SAMD4A: variants seen among roughly 807,000 people sequenced by gnomAD.
The protein encoded by SAMD4A is protein Smaug homolog 1.
Under a neutral mutation model 81.3 loss-of-function variants are expected in SAMD4A, and 33 were observed. The observed-to-expected ratio is 0.41, with a 90% CI of 0.31 to 0.54. The LOEUF (loss-of-function observed/expected upper bound fraction) is 0.54, where lower values mean the gene tolerates loss of function less well. Ranked by LOEUF, SAMD4A falls within the 20% of genes least tolerant of loss-of-function variation. SAMD4A has a pLI of 0.37. For synonymous variants in SAMD4A, 389 were observed against 382.1 expected (o/e 1.02, Z -0.21); for missense variants, 854 against 951.1 (o/e 0.90, Z 1.34).
At chr14:54,728,260 G>A (rs2037475648) in intron 3 of SAMD4A, among the ~76,000 whole-genome samples, 1 of 152,200 alleles carries the variant, frequency 6.6e-6, no homozygotes, top group Non-Finnish European at 1.5e-5. Context: ...AAATCGTTAT[G>A]TATAATTACA....
At chr14:54,787,683 C>T (rs1798736039) in intron 12 of SAMD4A, among the ~76,000 whole-genome samples, 1 of 152,226 alleles carries the variant, frequency 6.6e-6, no homozygotes, top group Admixed American at 6.5e-5. Context: ...ATTCCTACCG[C>T]CTGTGATGGC....
intron 12 of SAMD4A, among the ~76,000 whole-genome samples, chr14:54,785,801 G>A (rs1358365670): frequency 6.6e-6 from 1 of 152,210 alleles, no homozygotes; most frequent in Non-Finnish European, 1.5e-5. Context: ...GTGGGCCCGG[G>A]ACCACACCCA....
chr14:54,776,319 C>T (rs2038846388), intron 10 of SAMD4A, 95 bp from the exon 11 acceptor site: 8 of 1,345,926 alleles, frequency 5.9e-6, no homozygotes, highest in Non-Finnish European at 8.1e-6. Flanking sequence ...TTAGAGTTCT[C>T]CTGGGATCTT....
intron 12 of SAMD4A, among the ~76,000 whole-genome samples, chr14:54,788,057 T>C (rs2039185311): frequency 6.6e-6 from 1 of 152,042 alleles, no homozygotes; most frequent in African/African-American, 2.4e-5. Context: ...AAAACGTAGA[T>C]GTGGCAGATT....
In SAMD4A at chr14:54,669,445, CTTTTT is replaced by C. The variant is rs11406251; in HGVS notation, c.197-32599_197-32595del. Among the ~76,000 whole-genome samples, 4 of 103,314 alleles carry C rather than the reference CTTTTT, an allele frequency of 3.9e-5. No homozygotes were observed. The East Asian group carries it at 1.1e-3, about 29-fold the overall frequency. The allele number at this position is 103,314 out of a possible 152,430, so 67.8% of individuals were successfully genotyped here. On this transcript the variant is annotated intron_variant, in intron 2 of 12. Coordinates refer to ENST00000554335, the MANE Select transcript of SAMD4A (RefSeq NM_015589.6). ...TTATTTTTAGAAGCAACGCTTCTTTCTTTTTTTTTTTTTTTTTTTTTTAGAGAGAG... is the reference window on the plus strand; with the variant it reads ...TTATTTTTAGAAGCAACGCTTCTTTCTTTTTTTTTTTTTTTTTAGAGAGAG...
At chr14:54,649,295 T>G (rs115597586) in intron 2 of SAMD4A, among the ~76,000 whole-genome samples, 2 of 152,144 alleles carry the variant, frequency 1.3e-5, no homozygotes, top group African/African-American at 4.8e-5. Flanking sequence ...AGAAGCTAAA[T>G]GACAAAAGTA....
intron 2 of SAMD4A, among the ~76,000 whole-genome samples, chr14:54,680,414 T>C (rs1309773794): frequency 6.6e-6 from 1 of 152,204 alleles, no homozygotes; most frequent in Admixed American, 6.5e-5. Context: ...ACAGATTGAG[T>C]ATGTTTCTGG....
At chr14:54,621,430 A>T (rs1435265051) in intron 2 of SAMD4A, among the ~76,000 whole-genome samples, 1 of 151,306 alleles carries the variant, frequency 6.6e-6, no homozygotes, top group Non-Finnish European at 1.5e-5. Context: ...GCTCACTGCG[A>T]CCTCCATCCG....
intron 2 of SAMD4A, chr14:54,689,668 AC>A (rs1365077743): frequency 6.6e-6 from 1 of 152,200 alleles, no homozygotes; most frequent in Non-Finnish European, 1.5e-5. Flanking sequence ...AAGAGTGAAT[AC>A]CTTAGAAAGG....
chr14:54,573,573 G>C, intron 2 of SAMD4A, among the ~76,000 whole-genome samples: 1 of 152,154 alleles, frequency 6.6e-6, no homozygotes, highest in East Asian at 1.9e-4. Context: ...TATGGTGCTC[G>C]TAGAAATCTT....
At chr14:54,772,507 C>CT (rs896791518) in intron 9 of SAMD4A, among the ~76,000 whole-genome samples, 32 of 152,118 alleles carry the variant, frequency 2.1e-4, no homozygotes, top group African/African-American at 7.7e-4. Context: ...CCCTATACAG[C>CT]TGAGTCCTAA....
intron 2 of SAMD4A, among the ~76,000 whole-genome samples, chr14:54,632,547 G>A (rs1385828171): frequency 3.3e-5 from 5 of 151,868 alleles, no homozygotes; most frequent in Admixed American, 6.6e-5. Context: ...ACTCCAACAG[G>A]TTAAGCTCTA....
At chr14:54,679,822 CA>C (rs1368693109) in intron 2 of SAMD4A, among the ~76,000 whole-genome samples, 1 of 152,160 alleles carries the variant, frequency 6.6e-6, no homozygotes, top group East Asian at 1.9e-4. Context: ...GGTCTCTGCA[CA>C]GTAACTCTTC....
chr14:54,748,579 C>G (rs2295818), intron 4 of SAMD4A, among the ~76,000 whole-genome samples: 117,183 of 152,118 alleles, frequency 0.77, 45,241 homozygotes, highest in South Asian at 0.78. Flanking sequence ...TGGACCCCAA[C>G]TTAGTACTCC....
chr14:54,668,690 C>T (rs2035808320), intron 2 of SAMD4A: 1 of 152,264 alleles, frequency 6.6e-6, no homozygotes, highest in African/African-American at 2.4e-5. Flanking sequence ...TGCTAGTTAA[C>T]ACCTATGTGG....
At chr14:54,786,000 A>G (rs1463052052) in intron 12 of SAMD4A, among the ~76,000 whole-genome samples, 6 of 152,188 alleles carry the variant, frequency 3.9e-5, no homozygotes, top group Non-Finnish European at 8.8e-5. Context: ...CATCCCTGGT[A>G]CCTCTGGCAG....
chr14:54,620,459 TG>T (rs1397148006), intron 2 of SAMD4A, among the ~76,000 whole-genome samples: 1 of 152,204 alleles, frequency 6.6e-6, no homozygotes, highest in East Asian at 1.9e-4. Flanking sequence ...ACAGAATAGT[TG>T]TGGCATTCCT....
intron 2 of SAMD4A, among the ~76,000 whole-genome samples, chr14:54,636,134 A>G (rs1414411259): frequency 6.6e-6 from 1 of 152,208 alleles, no homozygotes; most frequent in African/African-American, 2.4e-5. Flanking sequence ...GTGATTTTAT[A>G]TAGTGTGGTG....
chr14:54,670,714 A>G (rs2035862741), intron 2 of SAMD4A, among the ~76,000 whole-genome samples: 1 of 152,218 alleles, frequency 6.6e-6, no homozygotes, highest in Non-Finnish European at 1.5e-5. Context: ...TCTTCATATC[A>G]TTGTTACCAC....
Sources: gnomAD v4.1 joint callset for allele counts (sites outside exome capture counted in the v4.1 genomes callset) on GRCh38, gnomAD v4.1.1 for gene constraint, MANE v1.5 for transcripts, NCBI Gene and HGNC (gene_info 2026-07-23, HGNC 2026-07-21) for gene names.